The following PHACTR3 variants were observed in gnomAD, a reference collection of about 807,000 sequenced individuals.
PHACTR3 encodes protein phosphatase 1, regulatory subunit 123.
PHACTR3 carries 16 observed loss-of-function variants against 66.8 expected under a neutral mutation model. That is an observed-to-expected ratio of 0.24 (90% confidence interval 0.16 to 0.36). The LOEUF (loss-of-function observed/expected upper bound fraction) is 0.36, where lower values mean the gene tolerates loss of function less well. PHACTR3 is among the 10% of genes least tolerant of loss of function. The probability of loss-of-function intolerance (pLI) is 1.00; values close to 1 mark genes in which losing one functional copy is unlikely to be tolerated. For synonymous variants in PHACTR3, 323 were observed against 292.1 expected, an observed-to-expected ratio of 1.11 and a Z score of -1.08; for missense variants, 647 against 719.9, an observed-to-expected ratio of 0.90 and a Z score of 1.16.
chr20:59,773,191 C>A, intron 5 of PHACTR3, 88 bp from the exon 6 acceptor site: 1 of 1,447,412 alleles, frequency 6.9e-7, no homozygotes, highest in African/African-American at 1.4e-5. Context: ...GGGGAGCGTC[C>A]TTTCCGCTCA....
At chr20:59,643,608 G>A (rs931075943) in intron 1 of PHACTR3, among the ~76,000 whole-genome samples, 26 of 152,182 alleles carry the variant, frequency 1.7e-4, no homozygotes, top group African/African-American at 5.8e-4. Flanking sequence ...GTCAAACACT[G>A]CATGTTAAAA....
chr20:59,794,212 G>A (rs979102683), intron 7 of PHACTR3, among the ~76,000 whole-genome samples: 3 of 150,802 alleles, frequency 2.0e-5, no homozygotes, highest in Admixed American at 2.0e-4. Flanking sequence ...TCAAAATGAT[G>A]TTAACTATGG....
intron 7 of PHACTR3, among the ~76,000 whole-genome samples, chr20:59,776,658 T>G (rs1475338686): frequency 1.3e-5 from 2 of 151,958 alleles, no homozygotes; most frequent in Non-Finnish European, 2.9e-5. Flanking sequence ...GCAGTCATTT[T>G]ATTTAAACAC....
intron 11 of PHACTR3, among the ~76,000 whole-genome samples, chr20:59,842,462 CGAG>C (rs1214910671): frequency 6.6e-6 from 1 of 151,994 alleles, no homozygotes; most frequent in Admixed American, 6.6e-5. Context: ...CACAGTGATG[CGAG>C]GAGAAGTATC....
At chr20:59,838,774 A>G (rs2059008971) in intron 9 of PHACTR3, among the ~76,000 whole-genome samples, 1 of 152,158 alleles carries the variant, frequency 6.6e-6, no homozygotes, top group Non-Finnish European at 1.5e-5. Flanking sequence ...AGAAAATATG[A>G]GTATAGCAGT....
At chr20:59,764,192 G>T (rs924310863) in intron 4 of PHACTR3, among the ~76,000 whole-genome samples, 16 of 152,240 alleles carry the variant, frequency 1.1e-4, no homozygotes, top group Non-Finnish European at 1.9e-4. Flanking sequence ...GATAGATCCA[G>T]ATGATTGGCT....
At chr20:59,815,684 A>G (rs1471713563) in intron 8 of PHACTR3, among the ~76,000 whole-genome samples, 1 of 152,066 alleles carries the variant, frequency 6.6e-6, no homozygotes, top group Non-Finnish European at 1.5e-5. Context: ...TGGCCTCCCA[A>G]AGTGCTGGGA....
chr20:59,657,212 A>G (rs1460906074), intron 1 of PHACTR3, among the ~76,000 whole-genome samples: 1 of 151,800 alleles, frequency 6.6e-6, no homozygotes, highest in Non-Finnish European at 1.5e-5. Context: ...TTATTGTCAA[A>G]CATTTTACAT....
rs753504077 is a variant in PHACTR3, at chr20:59,786,004, A to G, written c.1174+11514A>G. On this transcript the variant is annotated intron_variant, in intron 7 of 12. Coordinates refer to ENST00000371015, the MANE Select transcript of PHACTR3 (RefSeq NM_080672.5). ...ATTTGCAGGTAGTGAACTGCCACTG[A>G]GTCTGAGTCGTAAACACTGTTTGGA... 1.1e-3 allele frequency among the ~76,000 whole-genome samples: 173 copies of G among 152,194 alleles called. 1 individual carries two copies. Among genetic ancestry groups the G allele is most frequent in the Non-Finnish European group, 2.0e-3 (138 of 68,038 alleles).
intron 1 of PHACTR3, among the ~76,000 whole-genome samples, chr20:59,725,219 C>A: frequency 6.8e-6 from 1 of 146,108 alleles, no homozygotes; most frequent in East Asian, 1.9e-4. Flanking sequence ...GGTTGTGAGC[C>A]CAGGTGTCCT....
At chr20:59,664,480 G>T (rs867069790) in intron 1 of PHACTR3, among the ~76,000 whole-genome samples, 1 of 152,114 alleles carries the variant, frequency 6.6e-6, no homozygotes, top group African/African-American at 2.4e-5. Context: ...GTTTCCTGGT[G>T]TGGCTTCAGC....
At chr20:59,596,769 T>C (rs1197482279) in intron 1 of PHACTR3, among the ~76,000 whole-genome samples, 1 of 152,232 alleles carries the variant, frequency 6.6e-6, no homozygotes, top group Non-Finnish European at 1.5e-5. Context: ...TATTTTTGCA[T>C]CTGTTTTGTG....
At chr20:59,704,562 CTTTTT>C (rs11331156) in intron 1 of PHACTR3, among the ~76,000 whole-genome samples, 151 of 89,474 alleles carry the variant, frequency 1.7e-3, no homozygotes, top group African/African-American at 6.1e-3. Context: ...TGAGAATAGT[CTTTTT>C]TTTTTTTTTT....
rs748784274 is a variant in PHACTR3 at position 59,774,357 on chromosome 20, G to A, written c.1041G>A (p.Gly347=). The A allele has an allele frequency of 1.9e-6, 3 of 1,614,110 alleles. No individual in the cohort carries two copies. The highest frequency in any genetic ancestry group is 2.5e-6 in the Non-Finnish European group (3 of 1,180,024). The part of the protein sequence containing the change: ...KEREEAWSFD[G]ALENKRTAAK... ...GGGAGGAGGCTTGGAGCTTTGACGG[G>A]GCATTGGAGAACAAGCGAACTGCCG... is the stretch of plus-strand genomic sequence containing the variant. The change falls in exon 7 of 13, where the codon GGG becomes GGA. Residue 347 remains glycine (G), a synonymous_variant. Transcript: ENST00000371015.
At chr20:59,640,613 T>G (rs2035069406) in intron 1 of PHACTR3, among the ~76,000 whole-genome samples, 1 of 152,140 alleles carries the variant, frequency 6.6e-6, no homozygotes, top group Non-Finnish European at 1.5e-5. Context: ...TGTCAGCTCT[T>G]TGGTTTTCAA....
chr20:59,635,012 G>C (rs1352050704), intron 1 of PHACTR3, among the ~76,000 whole-genome samples: 1 of 152,026 alleles, frequency 6.6e-6, no homozygotes, highest in Non-Finnish European at 1.5e-5. Flanking sequence ...GCCGGGTGGA[G>C]GGTGCTGGCT....
At chr20:59,793,224 C>T (rs936777468) in intron 7 of PHACTR3, among the ~76,000 whole-genome samples, 1 of 152,208 alleles carries the variant, frequency 6.6e-6, no homozygotes, top group African/African-American at 2.4e-5. Context: ...TAGTGTTGTG[C>T]CTCCAGCTTC....
intron 7 of PHACTR3, among the ~76,000 whole-genome samples, chr20:59,802,925 A>C (rs2041459543): frequency 6.6e-6 from 1 of 152,222 alleles, no homozygotes; most frequent in African/African-American, 2.4e-5. Context: ...AGATAAATGA[A>C]AGTTGTGTAC....
chr20:59,825,088 G>A (rs1013240116), intron 8 of PHACTR3, among the ~76,000 whole-genome samples: 4 of 152,336 alleles, frequency 2.6e-5, no homozygotes, highest in Admixed American at 1.3e-4. Flanking sequence ...TTGAGAGGCT[G>A]TGCAGGGGCT....
Sources: allele counts gnomAD v4.1 joint callset (sites outside exome capture counted in the v4.1 genomes callset), GRCh38; gene constraint gnomAD v4.1.1; transcripts MANE v1.5; gene names NCBI Gene and HGNC (gene_info 2026-07-23, HGNC 2026-07-21).